Variants in CNKSR2 observed in about 807,000 individuals in gnomAD.
CNKSR2 encodes connector enhancer of kinase suppressor of Ras 2.
Under a neutral mutation model 84.4 loss-of-function variants are expected in CNKSR2, and 14 were observed. The observed-to-expected ratio is 0.17, with a 90% CI of 0.11 to 0.26. The LOEUF (loss-of-function observed/expected upper bound fraction) is 0.26. CNKSR2 is among the 10% of genes least tolerant of loss of function. CNKSR2 has a pLI of 1.00. For missense variants in CNKSR2, 485 were observed against 771.2 expected, an observed-to-expected ratio of 0.63 and a Z score of 4.40; for synonymous variants, 275 against 277.9, an observed-to-expected ratio of 0.99 and a Z score of 0.10.
intron 1 of CNKSR2, among the ~76,000 whole-genome samples, chrX:21,408,553 C>T (rs1319045524): frequency 1.8e-5 from 2 of 111,307 alleles, no homozygotes; most frequent in African/African-American, 6.5e-5. Context: ...AATATAAAGT[C>T]ATTACATGTG....
chrX:21,582,764 G>A (rs377724432), intron 13 of CNKSR2, among the ~76,000 whole-genome samples: 16 of 111,731 alleles, frequency 1.4e-4, no homozygotes, highest in African/African-American at 4.6e-4. Context: ...TTGAGCTAAG[G>A]ATGGCAGTTC....
intron 19 of CNKSR2, among the ~76,000 whole-genome samples, chrX:21,607,471 C>G (rs2092524372): frequency 9.0e-6 from 1 of 111,277 alleles, no homozygotes; most frequent in African/African-American, 3.3e-5. Flanking sequence ...ATCAGAATTA[C>G]CAAGAGTGTC....
At chrX:21,376,100 G>C (rs761869320) in intron 1 of CNKSR2, among the ~76,000 whole-genome samples, 1 of 112,419 alleles carries the variant, frequency 8.9e-6, no homozygotes, top group African/African-American at 3.2e-5. Context: ...GCTTATTATC[G>C]CTGAAAATGC....
chrX:21,591,342 A>G (rs2092419383), intron 15 of CNKSR2, 148 bp downstream of exon 15: 1 of 389,270 alleles, frequency 2.6e-6, no homozygotes, highest in East Asian at 4.3e-5. Context: ...CCCTCTTAAA[A>G]TGATTGCATG....
At chrX:21,554,733 T>C (rs1276085540) in intron 11 of CNKSR2, among the ~76,000 whole-genome samples, 4 of 111,909 alleles carry the variant, frequency 3.6e-5, no homozygotes, top group African/African-American at 9.8e-5. Context: ...TAGTCTATCA[T>C]TGATGGACAT....
Position 21,473,811 on chromosome X carries a change from A to G in CNKSR2, c.561+3004A>G, listed in dbSNP as rs2091229765. 3.2e-5 allele frequency among the ~76,000 whole-genome samples: 3 copies of G among 92,848 alleles called. No individual in the cohort carries two copies. In the Admixed American group the frequency reaches 3.8e-4, roughly 12 times the overall value. 80.6% of individuals were successfully genotyped at this position (92,848 alleles called of 115,157 possible). ...ACCCAGGCTGGAGTACAGTAGTGCG[A>G]TCTTGGCTCACTGCAAGCTCCATCT... is the stretch of plus-strand genomic sequence containing the variant. On this transcript the variant is annotated intron_variant, in intron 5 of 21. Transcript: ENST00000379510.
At chrX:21,575,537 A>G (rs2092313740) in intron 13 of CNKSR2, among the ~76,000 whole-genome samples, 1 of 111,384 alleles carries the variant, frequency 9.0e-6, no homozygotes, top group South Asian at 3.8e-4. Context: ...GCTACTCACA[A>G]CCAAAAATTA....
At chrX:21,429,706 T>G (rs1448964865) in intron 2 of CNKSR2, 1 of 111,540 alleles carries the variant, frequency 9.0e-6, no homozygotes. Flanking sequence ...AAGACCAGCC[T>G]GGGCAATGTA....
Position 21,374,672 on chromosome X carries a change from G to T in CNKSR2, c.-226G>T. On this transcript the variant is annotated 5_prime_UTR_variant, in exon 1 of 22. Coordinates refer to ENST00000379510, the MANE Select transcript of CNKSR2 (RefSeq NM_014927.5). ...CCTTAGCGGGAACTGAGCAGACCCGGCGCGGAGCCACGACTCCTGCACGTT... is the reference window on the plus strand; with the variant it reads ...CCTTAGCGGGAACTGAGCAGACCCGTCGCGGAGCCACGACTCCTGCACGTT... 1 of 512,363 alleles carries T rather than the reference G, an allele frequency of 2.0e-6. No individual in the cohort carries two copies. The highest frequency in any genetic ancestry group is 3.5e-6 in the Non-Finnish European group (1 of 287,933). The allele number at this position is 512,363 out of a possible 1,213,427, so 42.2% of individuals were successfully genotyped here.
chrX:21,529,823 C>G (rs935835034), intron 10 of CNKSR2, among the ~76,000 whole-genome samples: 6 of 110,862 alleles, frequency 5.4e-5, no homozygotes, highest in Admixed American at 1.9e-4. Flanking sequence ...TTTTAAAAAT[C>G]TACCCTGTTG....
At position 21,611,850 on chromosome X, in the gene CNKSR2, C is replaced by T. The variant is rs192524096; in HGVS notation, c.2692+2233C>T. Among the ~76,000 whole-genome samples, 346 of 111,366 alleles carry T rather than the reference C, an allele frequency of 3.1e-3. 1 individual carries two copies. The highest frequency in any genetic ancestry group is 0.01 in the African/African-American group (315 of 30,616). Reference sequence around the variant, plus strand: ...TATGGTTCAATATTGTGGGATGTTTCGTGCTATTTCAGTCAGATCTGCTTC... The same window carrying T: ...TATGGTTCAATATTGTGGGATGTTTTGTGCTATTTCAGTCAGATCTGCTTC... On this transcript the variant is annotated intron_variant, in intron 20 of 21. Coordinates refer to ENST00000379510, the MANE Select transcript of CNKSR2 (RefSeq NM_014927.5).
chrX:21,470,185 A>G (rs1237742970), intron 4 of CNKSR2, among the ~76,000 whole-genome samples: 1 of 111,957 alleles, frequency 8.9e-6, no homozygotes, highest in Non-Finnish European at 1.9e-5. Flanking sequence ...GGTTTTTGAA[A>G]GAATTTTTTG....
At chrX:21,486,001 G>T (rs887532487) in intron 5 of CNKSR2, among the ~76,000 whole-genome samples, 5 of 111,077 alleles carry the variant, frequency 4.5e-5, no homozygotes, top group Non-Finnish European at 9.4e-5. Context: ...CGGGCGTGGT[G>T]GCGTGAGCCT....
chrX:21,414,355 C>CAA, intron 1 of CNKSR2, among the ~76,000 whole-genome samples: 1 of 110,850 alleles, frequency 9.0e-6, no homozygotes, highest in East Asian at 2.8e-4. Context: ...ACCTTATGGC[C>CAA]GTTTGTATGT....
chrX:21,462,475 G>A (rs1490217402), intron 4 of CNKSR2, among the ~76,000 whole-genome samples: 3 of 110,899 alleles, frequency 2.7e-5, no homozygotes, highest in Non-Finnish European at 5.7e-5. Flanking sequence ...ATTATCATCT[G>A]CAAGCAGTGG....
At position 21,601,324 on chromosome X, in the gene CNKSR2, A is replaced by G. The variant is rs199699338; in HGVS notation, c.2019A>G (p.Glu673=). The G allele has an allele frequency of 1.7e-4, 194 of 1,166,404 alleles. 3 individuals carry two copies. In the East Asian group the frequency reaches 5.8e-3, roughly 35 times the overall value. Residue 673 remains glutamate, a synonymous_variant, in exon 18 of 22, where the codon GAA becomes GAG. Transcript: ENST00000379510. The part of the protein sequence containing the change: ...RINMLTAGYA[E]RERIKQEQDY... ...ATATGCTGACTGCAGGATATGCAGA[A>G]AGAGAGAGGATTAAGCAGGAACAAG...
At chrX:21,504,620 A>G (rs952081959) in intron 8 of CNKSR2, 1 of 272,116 alleles carries the variant, frequency 3.7e-6, no homozygotes, top group Non-Finnish European at 6.5e-6. Flanking sequence ...TGAATAAATC[A>G]GATGAATTCA....
At chrX:21,562,378 T>G (rs778702880) in intron 12 of CNKSR2, among the ~76,000 whole-genome samples, 1 of 111,882 alleles carries the variant, frequency 8.9e-6, no homozygotes, top group South Asian at 3.7e-4. Flanking sequence ...TTCTTGTTAT[T>G]TCTAGCCAGT....
chrX:21,610,442 T>A (rs2092544643), intron 20 of CNKSR2, among the ~76,000 whole-genome samples: 1 of 112,483 alleles, frequency 8.9e-6, no homozygotes, highest in South Asian at 3.6e-4. Context: ...AACTCAGTTA[T>A]TTTAGTAAGA....
Sources: allele counts gnomAD v4.1 joint callset (sites outside exome capture counted in the v4.1 genomes callset), GRCh38; gene constraint gnomAD v4.1.1; transcripts MANE v1.5; gene names NCBI Gene and HGNC (gene_info 2026-07-23, HGNC 2026-07-21).